Variants in ARID5B observed in about 807,000 individuals in gnomAD.
ARID5B encodes the protein AT-rich interactive domain-containing protein 5B.
Under a neutral mutation model 97.2 loss-of-function variants are expected in ARID5B, and 13 were observed. The ratio of observed to expected loss-of-function variants is 0.13; its 90% confidence interval spans 0.09 to 0.21. ARID5B has a LOEUF of 0.21. Ranked by LOEUF, ARID5B falls within the 10% of genes least tolerant of loss-of-function variation. ARID5B has a pLI of 1.00. For synonymous variants in ARID5B, 556 were observed against 570.3 expected, an observed-to-expected ratio of 0.97 and a Z score of 0.36; for missense variants, 1,210 against 1,465.3, an observed-to-expected ratio of 0.83 and a Z score of 2.84.
At chr10:61,952,984 C>T (rs1838343356) in intron 3 of ARID5B, among the ~76,000 whole-genome samples, 1 of 151,830 alleles carries the variant, frequency 6.6e-6, no homozygotes, top group African/African-American at 2.4e-5. Context: ...CCAGATTGGA[C>T]TTGTTCCACC....
chr10:62,070,839 A>T (rs962604021), intron 8 of ARID5B, among the ~76,000 whole-genome samples: 2 of 152,132 alleles, frequency 1.3e-5, no homozygotes, highest in African/African-American at 4.8e-5. Flanking sequence ...ACAACACATC[A>T]ATTTTTAAAA....
rs1840428938 is a variant in ARID5B at position 62,094,022 on chromosome 10, A to G, written c.*992A>G. 1 of 233,522 alleles carries G rather than the reference A, an allele frequency of 4.3e-6. No individual in the cohort carries two copies. Among genetic ancestry groups the G allele is most frequent in the Non-Finnish European group, 8.5e-6 (1 of 118,034 alleles). 14.5% of individuals were successfully genotyped at this position (233,522 alleles called of 1,614,324 possible). A position where few individuals can be genotyped will look rare whatever the true frequency, so the allele number is the denominator to read the frequency against. ...GTTCTGTGAAAATATTGAGCATTGT[A>G]CTTACCTTATCTAGGCTGTGAAACT... On this transcript the variant is annotated 3_prime_UTR_variant, in exon 10 of 10. Transcript: ENST00000279873.
chr10:62,091,460 T>A lies in ARID5B; in HGVS notation c.1997T>A (p.Met666Lys). 3.1e-6 allele frequency: 5 copies of A among 1,611,860 alleles called. No homozygotes were observed. Among genetic ancestry groups the A allele is most frequent in the Non-Finnish European group, 4.2e-6 (5 of 1,178,782 alleles). ...MFKDKDLTGP[M>K]NENHGLNYTP... is the part of the protein sequence containing the mutation. ...AAAGACAAAGACCTGACTGGGCCCA[T>A]GAACGAGAACCATGGACTTAATTAC... The change falls in exon 10 of 10, where the codon ATG becomes AAG. Residue 666 changes from methionine (M) to lysine (K), a missense_variant. By Grantham distance (95) the Met-to-Lys change is moderately conservative. Around this residue, in one of 8 missense-constraint regions of ARID5B, gnomAD observed 800 missense variants for 839.1 expected, o/e 0.95. Transcript: ENST00000279873.
intron 2 of ARID5B, among the ~76,000 whole-genome samples, chr10:61,913,637 G>T (rs895580199): frequency 6.6e-6 from 1 of 152,184 alleles, no homozygotes; most frequent in African/African-American, 2.4e-5. Flanking sequence ...GTTCTTGGTA[G>T]GTCATTCCAG....
At chr10:62,079,329 G>T (rs183597961) in intron 8 of ARID5B, among the ~76,000 whole-genome samples, 2 of 152,112 alleles carry the variant, frequency 1.3e-5, no homozygotes, top group Admixed American at 6.5e-5. Flanking sequence ...TCACTTAATC[G>T]TTTAGCTCTG....
intron 2 of ARID5B, among the ~76,000 whole-genome samples, chr10:61,914,958 CTT>C (rs1204041671): frequency 6.6e-6 from 1 of 152,218 alleles, no homozygotes; most frequent in African/African-American, 2.4e-5. Context: ...CTCATTATAA[CTT>C]TAGAATATAT....
intron 3 of ARID5B, among the ~76,000 whole-genome samples, chr10:61,959,413 A>G (rs1412603836): frequency 6.6e-6 from 1 of 152,184 alleles, no homozygotes; most frequent in East Asian, 1.9e-4. Context: ...AGTGTTTGGC[A>G]GGAGATATAC....
At chr10:61,931,242 A>G (rs1308941246) in intron 2 of ARID5B, among the ~76,000 whole-genome samples, 1 of 152,230 alleles carries the variant, frequency 6.6e-6, no homozygotes, top group Non-Finnish European at 1.5e-5. Context: ...TTACTACAGT[A>G]GGAATTAAAA....
intron 8 of ARID5B, among the ~76,000 whole-genome samples, chr10:62,082,882 C>T (rs967731751): frequency 1.3e-5 from 2 of 152,114 alleles, no homozygotes; most frequent in East Asian, 3.9e-4. Context: ...GATTGTGTGC[C>T]GTGCGAGACC....
chr10:61,974,165 A>G (rs1039793513), intron 3 of ARID5B, among the ~76,000 whole-genome samples: 3 of 152,260 alleles, frequency 2.0e-5, no homozygotes, highest in Non-Finnish European at 2.9e-5. Flanking sequence ...CAAGCAGGAT[A>G]TGATACACCA....
intron 8 of ARID5B, among the ~76,000 whole-genome samples, chr10:62,075,395 A>C (rs1385463781): frequency 6.6e-6 from 1 of 152,264 alleles, no homozygotes; most frequent in African/African-American, 2.4e-5. Context: ...CAAAGACTGA[A>C]ATATGCTTGA....
intron 2 of ARID5B, among the ~76,000 whole-genome samples, chr10:61,912,498 A>G (rs1348066151): frequency 6.6e-6 from 1 of 152,136 alleles, no homozygotes; most frequent in Non-Finnish European, 1.5e-5. Flanking sequence ...TTCATGATAT[A>G]TATGTACATC....
intron 4 of ARID5B, among the ~76,000 whole-genome samples, chr10:62,028,833 T>A (rs1839456235): frequency 6.6e-6 from 1 of 151,964 alleles, no homozygotes. Flanking sequence ...TGGTGGCGCA[T>A]GCCTGTAATC....
At chr10:62,008,467 T>C (rs1032636194) in intron 4 of ARID5B, among the ~76,000 whole-genome samples, 1 of 152,202 alleles carries the variant, frequency 6.6e-6, no homozygotes, top group African/African-American at 2.4e-5. Flanking sequence ...TTCTAGATGA[T>C]GAATGTACAG....
At chr10:62,070,284 G>A (rs902625131) in intron 8 of ARID5B, among the ~76,000 whole-genome samples, 1 of 152,146 alleles carries the variant, frequency 6.6e-6, no homozygotes, top group Non-Finnish European at 1.5e-5. Context: ...TTCTTACCAA[G>A]CTCTGTGTGG....
intron 3 of ARID5B, among the ~76,000 whole-genome samples, chr10:61,952,056 G>A (rs968048868): frequency 5.9e-5 from 9 of 152,186 alleles, no homozygotes; most frequent in South Asian, 2.1e-4. Flanking sequence ...GGGGGGGATC[G>A]CTGGTTCAAA....
chr10:62,057,729 A>G (rs1839875098), intron 6 of ARID5B, among the ~76,000 whole-genome samples: 1 of 152,220 alleles, frequency 6.6e-6, no homozygotes, highest in Non-Finnish European at 1.5e-5. Flanking sequence ...AACAACCACA[A>G]AGGGAAAACA....
intron 9 of ARID5B, among the ~76,000 whole-genome samples, chr10:62,086,948 T>C (rs965691577): frequency 2.0e-5 from 3 of 151,766 alleles, no homozygotes; most frequent in East Asian, 1.9e-4. Flanking sequence ...TTTAGAGAAG[T>C]GTTTGTCTCC....
At chr10:61,921,525 C>T (rs1037612927) in intron 2 of ARID5B, among the ~76,000 whole-genome samples, 2 of 152,314 alleles carry the variant, frequency 1.3e-5, no homozygotes, top group Non-Finnish European at 1.5e-5. Flanking sequence ...AACATGGCAA[C>T]GGACTCCCCT....
Sources: allele counts gnomAD v4.1 joint callset (sites outside exome capture counted in the v4.1 genomes callset), GRCh38; gene constraint gnomAD v4.1.1; regional missense constraint gnomAD v4.1.1; transcripts MANE v1.5; gene names NCBI Gene and HGNC (gene_info 2026-07-23, HGNC 2026-07-21).